Variants in CPSF1 observed in about 807,000 individuals in gnomAD.
CPSF1 encodes the protein cleavage and polyadenylation specific factor 1.
Under a neutral mutation model 175.8 loss-of-function variants are expected in CPSF1, and 106 were observed. The observed-to-expected ratio is 0.60, with a 90% CI of 0.52 to 0.71. The LOEUF is 0.71. Among genes scored for constraint, CPSF1 ranks in the 30% least tolerant of loss-of-function variants. The pLI, the probability that CPSF1 is intolerant of heterozygous loss-of-function variation, is 0.00. For synonymous variants in CPSF1, 1,024 were observed against 858.3 expected (o/e 1.19, Z -3.37); for missense variants, 1,734 against 2,022.9 (o/e 0.86, Z 2.74).
In CPSF1 at chr8:144,393,339, G is replaced by A. The variant is rs201892829; in HGVS notation, c.4311C>T (p.Asp1437=). 12 of 1,494,498 alleles carry A rather than the reference G, an allele frequency of 8.0e-6. No homozygotes were observed. The East Asian group carries it at 2.5e-4, about 31-fold the overall frequency. The allele number at this position is 1,494,498 out of a possible 1,614,324, so 92.6% of individuals were successfully genotyped here. ...GGGGCTAGAAGTGGGCGGTGACGCG[G>A]TCCGTCTCCAGCAAGTCGTCCAGGA... ...DIILDDLLET[D]RVTAHF Residue 1437 remains aspartate (D), a synonymous_variant, in exon 38 of 38, where the codon GAC becomes GAT. Coordinates refer to ENST00000616140, the MANE Select transcript of CPSF1 (RefSeq NM_013291.3).
In CPSF1 at chr8:144,398,553, AGGAATCC is replaced by A; in HGVS notation, c.1717_1723del (p.Gly573Ter). 1 of 1,613,872 alleles carries A rather than the reference AGGAATCC, an allele frequency of 6.2e-7. No individual in the cohort carries two copies. The highest frequency in any genetic ancestry group is 8.5e-7 in the Non-Finnish European group (1 of 1,179,946). On this transcript the variant is annotated frameshift_variant, in exon 18 of 38. Coordinates refer to ENST00000616140, the MANE Select transcript of CPSF1 (RefSeq NM_013291.3). LOFTEE classifies it high-confidence loss of function. Reference sequence around the variant, plus strand: ...GGTGGAGTCTTCCCGGCTCAGAATCAGGAATCCGTGTCTGCGGCCGTCGTCGTCTGCT... The same window carrying A: ...GGTGGAGTCTTCCCGGCTCAGAATCAGTGTCTGCGGCCGTCGTCGTCTGCT...
Position 144,393,434 on chromosome 8 carries a change from G to A in CPSF1, c.4284+18C>T. On this transcript the variant is annotated intron_variant, in intron 37 of 37. Transcript: ENST00000616140. ...ACACGGAGGGGCGGGGCGCGCGGGG[G>A]GCGGGGCGCGCACTCACTATGTCTG... The A allele has an allele frequency of 6.5e-7, 1 of 1,538,210 alleles. No homozygotes were observed. Among genetic ancestry groups the A allele is most frequent in the Non-Finnish European group, 8.8e-7 (1 of 1,140,574 alleles).
At chr8:144,400,548 C>T in intron 7 of CPSF1, 55 bp from the exon 8 acceptor site, 1 of 1,608,760 alleles carries the variant, frequency 6.2e-7, no homozygotes, top group Non-Finnish European at 8.5e-7. Flanking sequence ...AGACCCAGGC[C>T]CAGCTCCTCC....
chr8:144,401,294 G>T lies in CPSF1; in HGVS notation c.307-3C>A. 6.4e-7 allele frequency: 1 copy of T among 1,569,550 alleles called. No individual in the cohort carries two copies. Among genetic ancestry groups the T allele is most frequent in the Non-Finnish European group, 8.6e-7 (1 of 1,157,942 alleles). ...GGGTCGTACTCCACCACAGACAGCT[G>T]CGGTCAGAGGGCACAGCCGTGGCTG... On this transcript the variant is annotated splice_polypyrimidine_tract_variant and splice_region_variant and intron_variant, in intron 4 of 37. Transcript: ENST00000616140.
At position 144,400,192 on chromosome 8, in the gene CPSF1, G is replaced by A; in HGVS notation, c.911C>T (p.Thr304Ile). The change falls in exon 9 of 38, where the codon ACC becomes ATC. Residue 304 changes from threonine (T) to isoleucine (I), a missense_variant. Coordinates refer to ENST00000616140, the MANE Select transcript of CPSF1 (RefSeq NM_013291.3). ...AAGCGGGAAAGCCGTGGTTCCTGTG[G>A]TGAGGCTGTTGAGAGCCACGCCATA... is the stretch of plus-strand genomic sequence containing the variant. Reference protein sequence around the residue: ...PPYGVALNSLTTGTTAFPLRT... With the variant: ...PPYGVALNSLITGTTAFPLRT... 6.3e-7 allele frequency: 1 copy of A among 1,575,730 alleles called. No homozygotes were observed.
In CPSF1 at chr8:144,395,282, A is replaced by C; in HGVS notation, c.3170T>G (p.Phe1057Cys). 2 of 1,613,198 alleles carry C rather than the reference A, an allele frequency of 1.2e-6. No homozygotes were observed. The highest frequency in any genetic ancestry group is 1.7e-6 in the Non-Finnish European group (2 of 1,179,948). ...GTCACCACCTCTCTCGATGGTCTCAAACTCCTTCTCCTCGCCAGTCATGCG... is the reference window on the plus strand; with the variant it reads ...GTCACCACCTCTCTCGATGGTCTCACACTCCTTCTCCTCGCCAGTCATGCG... ...IPRMTGEEKE[F>C]ETIERDERYI... Residue 1057 changes from phenylalanine (F) to cysteine (C), a missense_variant, in exon 28 of 38, where the codon TTT becomes TGT. Physicochemically the swap from Phe to Cys is radical, Grantham distance 205. Around this residue, in one of 10 missense-constraint regions of CPSF1, gnomAD observed 585 missense variants for 584.7 expected, o/e 1.00. Transcript: ENST00000616140.
At chr8:144,402,150 C>A (rs1486734137) in intron 2 of CPSF1, among the ~76,000 whole-genome samples, 1 of 108,110 alleles carries the variant, frequency 9.2e-6, no homozygotes, top group Admixed American at 8.9e-5. Context: ...CGGGCTCCCC[C>A]AGGCTGCCTC....
Position 144,399,443 on chromosome 8 carries a change from G to C in CPSF1, c.1294+9C>G, listed in dbSNP as rs201505676. The stretch of plus-strand genomic sequence containing the variant: ...CCCCGCTCCTGACCAGCCCTGGACC[G>C]GCCCTCACCTGACCAGCCGGCCGTC... On this transcript the variant is annotated intron_variant, in intron 13 of 37. Coordinates refer to ENST00000616140, the MANE Select transcript of CPSF1 (RefSeq NM_013291.3). The surrounding 1 kb of genome is among the most constrained non-coding windows in gnomAD (Gnocchi z 6.4). 9 of 1,612,746 alleles carry C rather than the reference G, an allele frequency of 5.6e-6. No individual in the cohort carries two copies. Among genetic ancestry groups the C allele is most frequent in the Non-Finnish European group, 7.6e-6 (9 of 1,179,942 alleles).
In CPSF1 at chr8:144,409,082, C is replaced by A. The variant is rs2116913054; in HGVS notation, c.77G>T (p.Ser26Ile). 2 of 1,613,898 alleles carry A rather than the reference C, an allele frequency of 1.2e-6. No homozygotes were observed. Among genetic ancestry groups the A allele is most frequent in the Admixed American group, 3.3e-5 (2 of 60,028 alleles). ...CCCGGCCACTACCAGGTTGCGCTCG[C>A]TGTTGTTGAAGAAGTTGCAGTACAT... Reference protein sequence around the residue: ...FSMYCNFFNNSERNLVVAGTS... With the variant: ...FSMYCNFFNNIERNLVVAGTS... Residue 26 changes from serine (S) to isoleucine (I), a missense_variant, in exon 2 of 38, where the codon AGC (serine) becomes ATC (isoleucine). Physicochemically the swap from Ser to Ile is moderately radical, Grantham distance 142 (BLOSUM62 -2). This residue lies in a region of CPSF1 where 126 missense variants were observed against 117.9 expected (regional missense o/e 1.07). Transcript: ENST00000616140.
Position 144,397,673 on chromosome 8 carries a change from CAGA to C in CPSF1, c.2211-15_2211-13del. On this transcript the variant is annotated splice_polypyrimidine_tract_variant and intron_variant, in intron 21 of 37. Coordinates refer to ENST00000616140, the MANE Select transcript of CPSF1 (RefSeq NM_013291.3). ...CATCCACTGTGGGGCTGGGGGCCAGCAGAAGGTCATGGGCGGCCTGCCAGCCCC... is the reference window on the plus strand; with the variant it reads ...CATCCACTGTGGGGCTGGGGGCCAGCAGGTCATGGGCGGCCTGCCAGCCCC... 3 of 1,546,878 alleles carry C rather than the reference CAGA, an allele frequency of 1.9e-6. No homozygotes were observed. Among genetic ancestry groups the C allele is most frequent in the East Asian group, 2.3e-5 (1 of 44,006 alleles).
chr8:144,398,153 G>A (rs377648723), intron 19 of CPSF1, 21 bp from the exon 20 acceptor site: 7 of 1,288,272 alleles, frequency 5.4e-6, no homozygotes, highest in African/African-American at 1.7e-5. Context: ...GGGGCAGTCA[G>A]CATGCGCCTC....
intron 25 of CPSF1, 28 bp from the exon 26 acceptor site, chr8:144,396,528 TGGATGAGGATGCTGC>T (rs781883860): frequency 1.9e-6 from 3 of 1,609,980 alleles, no homozygotes; most frequent in African/African-American, 2.7e-5. Context: ...GAGGATGCTG[TGGATGAGGATGCTGC>T]GGATGAGGCC....
In CPSF1 at chr8:144,394,998, C is replaced by T. The variant is rs1820619758; in HGVS notation, c.3298G>A (p.Val1100Met). The part of the protein sequence containing the change: ...ARIELQEWEH[V>M]TCMKTVSLRS... ...AGAGACACTGTCTTCATGCAGGTCA[C>T]ATGCTCCCACTCCTGCAGCTCGATC... Residue 1100 changes from valine to methionine, a missense_variant, in exon 30 of 38, where the codon GTG (valine) becomes ATG (methionine). Physicochemically the swap from Val to Met is conservative, Grantham distance 21. This residue lies in a region of CPSF1 where 585 missense variants were observed against 584.7 expected (regional missense o/e 1.00). Coordinates refer to ENST00000616140, the MANE Select transcript of CPSF1 (RefSeq NM_013291.3). 1.9e-6 allele frequency: 3 copies of T among 1,611,812 alleles called. No homozygotes were observed. The highest frequency in any genetic ancestry group is 2.5e-6 in the Non-Finnish European group (3 of 1,179,074).
Position 144,395,342 on chromosome 8 carries a change from G to A in CPSF1, c.3110C>T (p.Ala1037Val), listed in dbSNP as rs1554863342. The change falls in exon 28 of 38, where the codon GCC (alanine) becomes GTC (valine). Residue 1037 changes from alanine to valine, a missense_variant. By Grantham distance (64) the Ala-to-Val change is moderately conservative. This residue lies in a region of CPSF1 where 585 missense variants were observed against 584.7 expected (regional missense o/e 1.00). Transcript: ENST00000616140. ...GGCACACGGCGTGTTGGTGCTGGTG[G>A]CCACAGCATACACCTGTGGGTTAGT... is the stretch of plus-strand genomic sequence containing the variant. Reference protein sequence around the residue: ...YHVESKVYAVATSTNTPCARI... With the variant: ...YHVESKVYAVVTSTNTPCARI... 1 of 1,613,360 alleles carries A rather than the reference G, an allele frequency of 6.2e-7. No individual in the cohort carries two copies. Among genetic ancestry groups the A allele is most frequent in the Admixed American group, 1.7e-5 (1 of 60,002 alleles).
chr8:144,409,267 G>C (rs1410614214), intron 1 of CPSF1, 22 bp downstream of exon 1: 6 of 1,084,900 alleles, frequency 5.5e-6, no homozygotes, highest in African/African-American at 1.7e-5. Flanking sequence ...CTGCCGCCTC[G>C]GCCGCCCGCC....
At chr8:144,404,499 G>A (rs1821385906) in intron 2 of CPSF1, among the ~76,000 whole-genome samples, 1 of 151,010 alleles carries the variant, frequency 6.6e-6, no homozygotes, top group African/African-American at 2.4e-5. Flanking sequence ...CCGAGTAGCT[G>A]GGACTACAAG....
rs1316802843 is a variant in CPSF1 at position 144,406,302 on chromosome 8, T to TG, written c.144+2712dup. On this transcript the variant is annotated intron_variant, in intron 2 of 37. Transcript: ENST00000616140. ...TCCTCCCCTGCTGGGCTCTTACCCCTGCTCCATTCAGACCACAACCCCTCG... is the reference window on the plus strand; with the variant it reads ...TCCTCCCCTGCTGGGCTCTTACCCCTGGCTCCATTCAGACCACAACCCCTCG... Among the ~76,000 whole-genome samples the TG allele has an allele frequency of 5.3e-5, 8 of 152,330 alleles. No homozygotes were observed. In the East Asian group the frequency reaches 1.3e-3, roughly 26 times the overall value.
Position 144,399,893 on chromosome 8 carries a change from C to T in CPSF1, c.1032-25G>A, listed in dbSNP as rs2116867544. 837,396 of 1,496,126 alleles carry T rather than the reference C, an allele frequency of 0.56. 229,280 individuals are homozygous for T. The highest frequency in any genetic ancestry group is 0.67 in the Middle Eastern group (3,888 of 5,798). The allele number at this position is 1,496,126 out of a possible 1,614,324, so 92.7% of individuals were successfully genotyped here. ...GCTGGGGGCAGGGAGAATTCTGAGT[C>T]GGGGATGGGGACCCTGGGGGAGTGA... On this transcript the variant is annotated intron_variant, in intron 10 of 37. Coordinates refer to ENST00000616140, the MANE Select transcript of CPSF1 (RefSeq NM_013291.3). This position sits in a 1 kb window ranked among gnomAD's most constrained non-coding sequence, Gnocchi z 6.4.
chr8:144,397,198 C>G lies in CPSF1; in HGVS notation c.2592+9G>C. The G allele has an allele frequency of 6.5e-7, 1 of 1,530,280 alleles. No homozygotes were observed. Among genetic ancestry groups the G allele is most frequent in the Non-Finnish European group, 8.8e-7 (1 of 1,136,450 alleles). 94.8% of individuals were successfully genotyped at this position (1,530,280 alleles called of 1,614,324 possible). ...GATGGGAAGGGGAGGCCAGGCCAGG[C>G]GCACTCACCAGCAGGTAGGGCCTGC... On this transcript the variant is annotated intron_variant, in intron 23 of 37. Coordinates refer to ENST00000616140, the MANE Select transcript of CPSF1 (RefSeq NM_013291.3).
Sources: gnomAD v4.1 joint callset for allele counts (sites outside exome capture counted in the v4.1 genomes callset) on GRCh38, gnomAD v4.1.1 for gene constraint, gnomAD v4.1.1 regional missense constraint, Gnocchi (gnomAD v3.1) non-coding constraint, MANE v1.5 for transcripts, NCBI Gene and HGNC (gene_info 2026-07-23, HGNC 2026-07-21) for gene names.